The following ELMO1 variants were observed in gnomAD, a reference collection of about 807,000 sequenced individuals.
ELMO1 encodes the protein engulfment and cell motility 1, also known as engulfment and cell motility protein 1.
A neutral mutation model predicts 98.9 loss-of-function variants in ELMO1; 26 were observed. The observed-to-expected ratio is 0.26, with a 90% confidence interval of 0.19 to 0.36. ELMO1 has a LOEUF of 0.36. Among genes scored for constraint, ELMO1 ranks in the 10% least tolerant of loss-of-function variants. The probability of loss-of-function intolerance (pLI) is 1.00; values close to 1 mark genes in which losing one functional copy is unlikely to be tolerated. For missense variants in ELMO1, 627 were observed against 935.2 expected, an observed-to-expected ratio of 0.67 and a Z score of 4.30; for synonymous variants, 346 against 346.0, an observed-to-expected ratio of 1.00 and a Z score of 0.00.
intron 1 of ELMO1, among the ~76,000 whole-genome samples, chr7:37,354,214 G>C (rs532657429): frequency 6.6e-6 from 1 of 152,148 alleles, no homozygotes; most frequent in East Asian, 1.9e-4. Flanking sequence ...GCATGGTAAA[G>C]AGCAACTCAA....
At chr7:37,328,247 G>C (rs571827666) in intron 2 of ELMO1, among the ~76,000 whole-genome samples, 1 of 152,134 alleles carries the variant, frequency 6.6e-6, no homozygotes, top group South Asian at 2.1e-4. Context: ...GCCGAGTATA[G>C]TGGTGCATGC....
At chr7:37,121,222 C>G (rs917412392) in intron 14 of ELMO1, among the ~76,000 whole-genome samples, 3 of 152,216 alleles carry the variant, frequency 2.0e-5, no homozygotes, top group Admixed American at 6.5e-5. Context: ...GAGCGCCTCT[C>G]CTCCTCCAAA....
intron 15 of ELMO1, among the ~76,000 whole-genome samples, chr7:37,057,399 G>A (rs1796442548): frequency 6.6e-6 from 1 of 152,180 alleles, no homozygotes; most frequent in Non-Finnish European, 1.5e-5. Context: ...CCTTTGTGGG[G>A]TAGATGTGTC....
chr7:36,914,990 G>T (rs1012240623), intron 16 of ELMO1, among the ~76,000 whole-genome samples: 1 of 152,186 alleles, frequency 6.6e-6, no homozygotes, highest in Non-Finnish European at 1.5e-5. Flanking sequence ...GTCTTGCTCT[G>T]TTGCCCAGAC....
intron 13 of ELMO1, among the ~76,000 whole-genome samples, chr7:37,183,477 A>G (rs1791008916): frequency 1.3e-5 from 2 of 152,218 alleles, no homozygotes; most frequent in Admixed American, 6.5e-5. Context: ...TTGTTCGTGC[A>G]CTACACATGA....
chr7:37,298,518 T>C (rs1798178770), intron 4 of ELMO1, among the ~76,000 whole-genome samples: 1 of 149,116 alleles, frequency 6.7e-6, no homozygotes. Flanking sequence ...GTGTTCTCAT[T>C]GTTCAATTCC....
At chr7:36,864,581 C>A (rs924943070) in intron 20 of ELMO1, among the ~76,000 whole-genome samples, 1 of 152,164 alleles carries the variant, frequency 6.6e-6, no homozygotes, top group Non-Finnish European at 1.5e-5. Flanking sequence ...GCACTTGGAG[C>A]GGGGAGGCTG....
intron 4 of ELMO1, among the ~76,000 whole-genome samples, chr7:37,303,737 T>G (rs1798464193): frequency 6.6e-6 from 1 of 152,202 alleles, no homozygotes. Flanking sequence ...GTTTCAGTAC[T>G]TCAGTCAATC....
chr7:37,081,034 T>G (rs1016387290), intron 15 of ELMO1, among the ~76,000 whole-genome samples: 3 of 152,198 alleles, frequency 2.0e-5, no homozygotes, highest in African/African-American at 4.8e-5. Flanking sequence ...CTTCTTTATC[T>G]GTTTATTACC....
At chr7:37,249,071 A>G (rs924261806) in intron 6 of ELMO1, among the ~76,000 whole-genome samples, 8 of 152,240 alleles carry the variant, frequency 5.3e-5, no homozygotes, top group Admixed American at 2.6e-4. Context: ...CGCTGAATCA[A>G]TAAAACATAC....
At chr7:37,399,138 C>T (rs1429043719) in intron 1 of ELMO1, among the ~76,000 whole-genome samples, 1 of 152,112 alleles carries the variant, frequency 6.6e-6, no homozygotes, top group African/African-American at 2.4e-5. Flanking sequence ...GGTTCTGGCT[C>T]CTCCTTGATC....
intron 13 of ELMO1, among the ~76,000 whole-genome samples, chr7:37,140,814 A>C (rs958394113): frequency 6.6e-6 from 1 of 152,230 alleles, no homozygotes; most frequent in African/African-American, 2.4e-5. Flanking sequence ...GGGAAATGCA[A>C]ATCGAAACCA....
intron 18 of ELMO1, among the ~76,000 whole-genome samples, chr7:36,887,310 C>A (rs1805103420): frequency 6.6e-6 from 1 of 152,172 alleles, no homozygotes; most frequent in Admixed American, 6.5e-5. Context: ...ATTGTTGACA[C>A]CACCACTAGC....
intron 1 of ELMO1, among the ~76,000 whole-genome samples, chr7:37,381,716 C>T (rs1802590190): frequency 6.6e-6 from 1 of 152,210 alleles, no homozygotes; most frequent in Non-Finnish European, 1.5e-5. Flanking sequence ...AGTGTCCACA[C>T]CTCTTCCCAG....
At chr7:37,271,786 G>A (rs72624207) in intron 5 of ELMO1, 46 bp downstream of exon 5, 39,347 of 1,589,386 alleles carry the variant, frequency 0.025, 1,168 homozygotes, top group South Asian at 0.12. Context: ...TAGCAGAAAC[G>A]CAGAGCAAAG....
chr7:36,916,981 G>C (rs934070061), intron 16 of ELMO1, among the ~76,000 whole-genome samples: 3 of 152,216 alleles, frequency 2.0e-5, no homozygotes, highest in African/African-American at 7.2e-5. Flanking sequence ...AATGTGATTT[G>C]AGATACTTTG....
At chr7:37,312,377 C>T (rs555638973) in intron 4 of ELMO1, among the ~76,000 whole-genome samples, 10 of 152,348 alleles carry the variant, frequency 6.6e-5, no homozygotes, top group Admixed American at 2.6e-4. Context: ...ATGTGAACCA[C>T]GTGCCCAGCC....
chr7:37,229,809 T>A (rs1464585256), intron 8 of ELMO1, among the ~76,000 whole-genome samples: 1 of 152,260 alleles, frequency 6.6e-6, no homozygotes, highest in Non-Finnish European at 1.5e-5. Context: ...AATGAGGACA[T>A]GAAATAGATT....
chr7:36,887,149 C>T (rs556603776), intron 18 of ELMO1, among the ~76,000 whole-genome samples: 1 of 152,270 alleles, frequency 6.6e-6, no homozygotes, highest in South Asian at 2.1e-4. Flanking sequence ...GGGCACAATC[C>T]TAGTAGTTAC....
Sources: allele counts gnomAD v4.1 joint callset (sites outside exome capture counted in the v4.1 genomes callset), GRCh38; gene constraint gnomAD v4.1.1; transcripts MANE v1.5; gene names NCBI Gene and HGNC (gene_info 2026-07-23, HGNC 2026-07-21).